Variants in ADAMTSL3 observed in about 807,000 individuals in gnomAD.
ADAMTSL3 encodes ADAMTS-like protein 3.
In ADAMTSL3, 128 loss-of-function variants were observed where a neutral mutation model predicts 201.7. The ratio of observed to expected loss-of-function variants is 0.63; its 90% CI spans 0.55 to 0.73. The LOEUF (loss-of-function observed/expected upper bound fraction) is 0.73, where lower values mean the gene tolerates loss of function less well. Among genes scored for constraint, ADAMTSL3 ranks in the 30% least tolerant of loss-of-function variants. The pLI, the probability that ADAMTSL3 is intolerant of heterozygous loss-of-function variation, is 0.00. For synonymous variants in ADAMTSL3, 738 were observed against 748.4 expected, an observed-to-expected ratio of 0.99 and a Z score of 0.23; for missense variants, 1,990 against 2,119.6, an observed-to-expected ratio of 0.94 and a Z score of 1.20.
At chr15:83,803,864 C>T (rs895426925) in intron 4 of ADAMTSL3, among the ~76,000 whole-genome samples, 4 of 152,240 alleles carry the variant, frequency 2.6e-5, no homozygotes, top group South Asian at 2.1e-4. Context: ...CAAAATAGAC[C>T]GGCTGCAGTA....
chr15:83,857,975 A>G lies in ADAMTSL3; in HGVS notation c.728-791A>G, dbSNP rs62025816. 5.6e-3 allele frequency among the ~76,000 whole-genome samples: 856 copies of G among 152,366 alleles called. 4 individuals carry two copies. Among genetic ancestry groups the G allele is most frequent in the Admixed American group, 8.9e-3 (136 of 15,306 alleles). ...ATTATGTGAACACAGAAATTAAATT[A>G]TCAGTGTATGTAGCAGTGTGAAAAA... On this transcript the variant is annotated intron_variant, in intron 7 of 29. Coordinates refer to ENST00000286744, the MANE Select transcript of ADAMTSL3 (RefSeq NM_207517.3).
intron 3 of ADAMTSL3, among the ~76,000 whole-genome samples, chr15:83,768,461 T>C (rs532152445): frequency 9.8e-5 from 15 of 152,304 alleles, no homozygotes; most frequent in African/African-American, 3.6e-4. Context: ...GTGCAATGTA[T>C]AGTCTGTGTT....
At chr15:83,766,779 C>A (rs11856314) in intron 3 of ADAMTSL3, among the ~76,000 whole-genome samples, 2 of 152,090 alleles carry the variant, frequency 1.3e-5, no homozygotes, top group Non-Finnish European at 2.9e-5. Flanking sequence ...AAATTATACA[C>A]GTTCATTGTA....
chr15:83,828,697 TC>T (rs1470184050), intron 6 of ADAMTSL3, among the ~76,000 whole-genome samples: 1 of 152,202 alleles, frequency 6.6e-6, no homozygotes, highest in Non-Finnish European at 1.5e-5. Context: ...TTGAAATACA[TC>T]CCATCAATAC....
chr15:83,956,391 C>A (rs1223578974), intron 19 of ADAMTSL3, among the ~76,000 whole-genome samples: 1 of 152,162 alleles, frequency 6.6e-6, no homozygotes. Context: ...TGATGGCTCA[C>A]CCAATTTTTA....
intron 3 of ADAMTSL3, among the ~76,000 whole-genome samples, chr15:83,709,372 A>G (rs1014005392): frequency 5.9e-5 from 9 of 152,176 alleles, no homozygotes; most frequent in Non-Finnish European, 1.2e-4. Flanking sequence ...TTAGTTTGGG[A>G]CGACTGGCTA....
intron 26 of ADAMTSL3, among the ~76,000 whole-genome samples, chr15:84,022,559 C>T: frequency 6.6e-6 from 1 of 152,186 alleles, no homozygotes; most frequent in Non-Finnish European, 1.5e-5. Flanking sequence ...TTTTGCTTTG[C>T]AAATGATGCC....
At chr15:83,667,192 T>A (rs2061258886) in intron 2 of ADAMTSL3, among the ~76,000 whole-genome samples, 1 of 152,108 alleles carries the variant, frequency 6.6e-6, no homozygotes, top group Non-Finnish European at 1.5e-5. Context: ...AAATCTTTAT[T>A]TTAGAATATA....
At chr15:83,730,334 C>A (rs1449207886) in intron 3 of ADAMTSL3, among the ~76,000 whole-genome samples, 2 of 152,108 alleles carry the variant, frequency 1.3e-5, no homozygotes, top group Non-Finnish European at 2.9e-5. Flanking sequence ...CTTCCTACGG[C>A]ACACCAAACC....
intron 9 of ADAMTSL3, among the ~76,000 whole-genome samples, chr15:83,872,562 G>A (rs1005627651): frequency 6.8e-5 from 10 of 146,372 alleles, no homozygotes; most frequent in African/African-American, 2.5e-4. Flanking sequence ...CCCTCCTTAG[G>A]GCCTTCCTAT....
chr15:83,757,928 C>T (rs1002737865), intron 3 of ADAMTSL3, among the ~76,000 whole-genome samples: 5 of 152,136 alleles, frequency 3.3e-5, no homozygotes, highest in Admixed American at 3.3e-4. Flanking sequence ...GCTCTAGTTC[C>T]CAACAAGTTC....
chr15:84,000,436 T>C (rs934286921), intron 23 of ADAMTSL3, among the ~76,000 whole-genome samples: 19 of 152,186 alleles, frequency 1.2e-4, no homozygotes, highest in Non-Finnish European at 2.6e-4. Flanking sequence ...CTTAACCCTA[T>C]ATTCAGTCAA....
At chr15:83,844,934 A>G (rs10444974) in intron 7 of ADAMTSL3, among the ~76,000 whole-genome samples, 15,633 of 152,260 alleles carry the variant, frequency 0.1, 1,035 homozygotes, top group East Asian at 0.34. Context: ...AGCCTGTATC[A>G]TCTGGCCCCT....
chr15:83,992,339 C>T (rs2067596216), intron 23 of ADAMTSL3, among the ~76,000 whole-genome samples: 1 of 152,186 alleles, frequency 6.6e-6, no homozygotes, highest in Non-Finnish European at 1.5e-5. Context: ...TATTGTTTTT[C>T]ACCCCTTGGA....
intron 25 of ADAMTSL3, among the ~76,000 whole-genome samples, chr15:84,021,185 TG>T (rs1270350904): frequency 6.6e-6 from 1 of 152,206 alleles, no homozygotes; most frequent in Non-Finnish European, 1.5e-5. Flanking sequence ...CTCCAGACTG[TG>T]GTCCAAGGAC....
At chr15:84,014,780 G>T in intron 24 of ADAMTSL3, 56 bp downstream of exon 24, 1 of 1,511,076 alleles carries the variant, frequency 6.6e-7, no homozygotes, top group Non-Finnish European at 8.9e-7. Flanking sequence ...GCACAAAGTA[G>T]GCCCCAGTTT....
intron 2 of ADAMTSL3, among the ~76,000 whole-genome samples, chr15:83,663,292 C>T (rs2061201195): frequency 6.6e-6 from 1 of 152,208 alleles, no homozygotes; most frequent in Non-Finnish European, 1.5e-5. Flanking sequence ...TCTCTCCTTG[C>T]AGCCGCCCCC....
At chr15:83,936,225 T>TTA (rs1290786936) in intron 17 of ADAMTSL3, among the ~76,000 whole-genome samples, 3 of 151,714 alleles carry the variant, frequency 2.0e-5, no homozygotes, top group African/African-American at 7.3e-5. Flanking sequence ...CTTTAGGCCC[T>TTA]TATACCATTT....
Position 83,983,091 on chromosome 15 carries a change from A to G in ADAMTSL3, c.3463A>G (p.Thr1155Ala). ...TCCTGCTGCTCAGCTCAGAGGGGAA[A>G]CAGGGAGTGTGTCCCAAAGCTCGCA... is the stretch of plus-strand genomic sequence containing the variant. ...TPPAAQLRGETGSVSQSSHAK... is the reference protein window; with the variant it reads ...TPPAAQLRGEAGSVSQSSHAK... Residue 1155 changes from threonine to alanine, a missense_variant, in exon 21 of 30, where the codon ACA becomes GCA. Physicochemically the swap from Thr to Ala is moderately conservative, Grantham distance 58. Coordinates refer to ENST00000286744, the MANE Select transcript of ADAMTSL3 (RefSeq NM_207517.3). The G allele has an allele frequency of 6.2e-7, 1 of 1,614,186 alleles. No individual in the cohort carries two copies. Among genetic ancestry groups the G allele is most frequent in the South Asian group, 1.1e-5 (1 of 91,084 alleles).
Sources: gnomAD v4.1 joint callset for allele counts (sites outside exome capture counted in the v4.1 genomes callset) on GRCh38, gnomAD v4.1.1 for gene constraint, MANE v1.5 for transcripts, NCBI Gene and HGNC (gene_info 2026-07-23, HGNC 2026-07-21) for gene names.